TRAPPC8: variants seen among roughly 807,000 people sequenced by gnomAD.
TRAPPC8 encodes the protein general sporulation gene 1 homolog.
A neutral mutation model predicts 174.3 loss-of-function variants in TRAPPC8; 54 were observed. That is an observed-to-expected ratio of 0.31 (90% CI 0.25 to 0.39). The LOEUF (loss-of-function observed/expected upper bound fraction) is 0.39, where lower values mean the gene tolerates loss of function less well. Ranked by LOEUF, TRAPPC8 falls within the 10% of genes least tolerant of loss-of-function variation. The pLI is 1.00. For missense variants in TRAPPC8, 1,531 were observed against 1,699.1 expected, an observed-to-expected ratio of 0.90 and a Z score of 1.74; for synonymous variants, 630 against 579.9, an observed-to-expected ratio of 1.09 and a Z score of -1.24.
intron 4 of TRAPPC8, 95 bp downstream of exon 4, chr18:31,916,177 G>C (rs968551598): frequency 3.6e-5 from 32 of 892,814 alleles, no homozygotes; most frequent in African/African-American, 1.6e-4. Context: ...TTACATTCTT[G>C]TATCAAAAAT....
chr18:31,880,090 A>AAAAAAAAAAATAT (rs1259899654), intron 12 of TRAPPC8, among the ~76,000 whole-genome samples: 3 of 85,378 alleles, frequency 3.5e-5, no homozygotes, highest in African/African-American at 1.6e-4. Flanking sequence ...TGAAAAAAAA[A>AAAAAAAAAAATAT]ATATATATAT....
chr18:31,922,015 G>A (rs970293768), intron 2 of TRAPPC8, among the ~76,000 whole-genome samples: 45 of 152,096 alleles, frequency 3.0e-4, no homozygotes, highest in African/African-American at 1.1e-3. Flanking sequence ...ACCCAAAACT[G>A]TCATTTTTTC....
chr18:31,884,685 G>C (rs1433361989), intron 12 of TRAPPC8, among the ~76,000 whole-genome samples: 1 of 151,930 alleles, frequency 6.6e-6, no homozygotes, highest in Non-Finnish European at 1.5e-5. Flanking sequence ...AGTATTGTCA[G>C]AATTGTCTTT....
At chr18:31,858,026 T>G in intron 19 of TRAPPC8, 44 bp from the exon 20 acceptor site, 3 of 1,510,854 alleles carry the variant, frequency 2.0e-6, no homozygotes, top group Non-Finnish European at 2.7e-6. Flanking sequence ...TGTTAAAAAT[T>G]TTGAACCTCT....
intron 19 of TRAPPC8, among the ~76,000 whole-genome samples, chr18:31,859,727 C>G (rs1478945804): frequency 6.6e-6 from 1 of 152,122 alleles, no homozygotes; most frequent in Admixed American, 6.5e-5. Context: ...TATTTTGACT[C>G]TTTAAGAAGA....
At chr18:31,910,748 C>T (rs985082906) in intron 5 of TRAPPC8, among the ~76,000 whole-genome samples, 1 of 152,182 alleles carries the variant, frequency 6.6e-6, no homozygotes, top group African/African-American at 2.4e-5. Flanking sequence ...AACTATTCTC[C>T]AACTTTGAGC....
At chr18:31,917,482 T>C (rs2145546178) in intron 3 of TRAPPC8, 96 bp downstream of exon 3, 3 of 1,042,486 alleles carry the variant, frequency 2.9e-6, no homozygotes, top group Middle Eastern at 4.2e-4. Flanking sequence ...TTATCTATTC[T>C]CTGTATCTTC....
At chr18:31,929,301 C>T (rs949413122) in intron 2 of TRAPPC8, among the ~76,000 whole-genome samples, 1 of 152,038 alleles carries the variant, frequency 6.6e-6, no homozygotes, top group African/African-American at 2.4e-5. Context: ...TGCCTGTAAT[C>T]TCAACACTTT....
At chr18:31,882,406 C>A (rs1302683414) in intron 12 of TRAPPC8, among the ~76,000 whole-genome samples, 1 of 151,810 alleles carries the variant, frequency 6.6e-6, no homozygotes. Context: ...AAACAATGGG[C>A]ATGCACGGAC....
chr18:31,897,783 T>C lies in TRAPPC8; in HGVS notation c.1596+3A>G. ...TAAAGCAAATACTACACAGTTTCAGTACCTCACTGGTCAACCGTATTAGGA... is the reference window on the plus strand; with the variant it reads ...TAAAGCAAATACTACACAGTTTCAGCACCTCACTGGTCAACCGTATTAGGA... On this transcript the variant is annotated splice_donor_region_variant and intron_variant, in intron 11 of 28. Coordinates refer to ENST00000283351, the MANE Select transcript of TRAPPC8 (RefSeq NM_014939.5). The C allele has an allele frequency of 6.3e-7, 1 of 1,585,862 alleles. No homozygotes were observed. Among genetic ancestry groups the C allele is most frequent in the Non-Finnish European group, 8.6e-7 (1 of 1,164,092 alleles).
Position 31,908,921 on chromosome 18 carries a change from T to C in TRAPPC8, c.955A>G (p.Arg319Gly), listed in dbSNP as rs1198067879. ...GTTTCATGTAACGATGAAGCAGATCTTAGATGATCTGGGCCATCAATACTG... is the reference window on the plus strand; with the variant it reads ...GTTTCATGTAACGATGAAGCAGATCCTAGATGATCTGGGCCATCAATACTG... ...SNSIDGPDHLRSASSLHETKK... is the reference protein window; with the variant it reads ...SNSIDGPDHLGSASSLHETKK... The change falls in exon 7 of 29, where the codon AGA becomes GGA. Residue 319 changes from arginine (R) to glycine (G), a missense_variant. Transcript: ENST00000283351. 6.2e-7 allele frequency: 1 copy of C among 1,613,766 alleles called. No homozygotes were observed. The highest frequency in any genetic ancestry group is 8.5e-7 in the Non-Finnish European group (1 of 1,179,774).
At chr18:31,879,087 A>C (rs1415433489) in intron 12 of TRAPPC8, among the ~76,000 whole-genome samples, 1 of 152,314 alleles carries the variant, frequency 6.6e-6, no homozygotes, top group East Asian at 1.9e-4. Context: ...AAACTAACAA[A>C]GAAACTCTGG....
At chr18:31,931,224 TAG>T in intron 2 of TRAPPC8, 103 bp downstream of exon 2, 1 of 1,080,794 alleles carries the variant, frequency 9.3e-7, no homozygotes, top group Non-Finnish European at 1.3e-6. Flanking sequence ...CCCTAGCACT[TAG>T]TAAACTCTTA....
chr18:31,831,782 T>C (rs1598571577), intron 28 of TRAPPC8, among the ~76,000 whole-genome samples: 1 of 152,206 alleles, frequency 6.6e-6, no homozygotes, highest in Admixed American at 6.5e-5. Context: ...ATACGCTTTA[T>C]AGTATTTTTC....
chr18:31,914,220 A>G (rs1376662017), intron 4 of TRAPPC8, among the ~76,000 whole-genome samples: 3 of 152,010 alleles, frequency 2.0e-5, no homozygotes, highest in Non-Finnish European at 4.4e-5. Context: ...TACTAATACT[A>G]TGTAAGCAAC....
At chr18:31,846,844 T>C (rs1384788876) in intron 25 of TRAPPC8, 27 bp from the exon 26 acceptor site, 1 of 1,570,676 alleles carries the variant, frequency 6.4e-7, no homozygotes, top group Non-Finnish European at 8.7e-7. Flanking sequence ...ACAAAAACGT[T>C]ACCGTGCTTG....
intron 26 of TRAPPC8, among the ~76,000 whole-genome samples, chr18:31,845,692 T>C (rs1326146652): frequency 6.6e-6 from 1 of 152,184 alleles, no homozygotes. Context: ...TACACTATTC[T>C]TGAAAGTTTT....
intron 1 of TRAPPC8, among the ~76,000 whole-genome samples, chr18:31,936,938 C>G (rs1362185119): frequency 2.1e-5 from 3 of 140,128 alleles, no homozygotes; most frequent in Non-Finnish European, 4.5e-5. Context: ...AGGAGCCAGG[C>G]GCGGTGGCTC....
Position 31,853,933 on chromosome 18 carries a change from CG to C in TRAPPC8, c.3348del (p.Val1117LeufsTer6). The C allele has an allele frequency of 6.2e-7, 1 of 1,608,938 alleles. No homozygotes were observed. The highest frequency in any genetic ancestry group is 8.5e-7 in the Non-Finnish European group (1 of 1,178,838). Reference protein sequence around the residue: ...DVENTNTSEAGVKEFHIVQVS... With the variant: ...DVENTNTSEAXVKEFHIVQVS... Reference sequence around the variant, plus strand: ...ACTTGCACTATGTGGAATTCCTTAACGCCTGCTTCACTCTGTCAAAAAAAAA... The same window carrying C: ...ACTTGCACTATGTGGAATTCCTTAACCCTGCTTCACTCTGTCAAAAAAAAA... On this transcript the variant is annotated frameshift_variant, in exon 22 of 29. Transcript: ENST00000283351. LOFTEE classifies it high-confidence loss of function.
Sources: gnomAD v4.1 joint callset for allele counts (sites outside exome capture counted in the v4.1 genomes callset) on GRCh38, gnomAD v4.1.1 for gene constraint, MANE v1.5 for transcripts, NCBI Gene and HGNC (gene_info 2026-07-23, HGNC 2026-07-21) for gene names.